BMPR1A: variants seen among roughly 807,000 people sequenced by gnomAD.
The protein encoded by BMPR1A is bone morphogenetic protein receptor type 1A, also known as bone morphogenetic protein receptor type-1A.
BMPR1A carries 7 observed loss-of-function variants against 66.0 expected under a neutral mutation model. The observed-to-expected ratio is 0.11, with a 90% confidence interval of 0.06 to 0.20. BMPR1A has a LOEUF of 0.20. Ranked by LOEUF, BMPR1A falls within the 10% of genes least tolerant of loss-of-function variation. The probability of loss-of-function intolerance (pLI) is 1.00; values close to 1 mark genes in which losing one functional copy is unlikely to be tolerated. For missense variants in BMPR1A, 408 were observed against 669.1 expected (o/e 0.61, Z 4.31); for synonymous variants, 200 against 229.7 (o/e 0.87, Z 1.17).
At position 86,923,760 on chromosome 10, in the gene BMPR1A, T is replaced by A; in HGVS notation, c.*41T>A. ...AGGAGAAACTCTAGACTGCAAGAACTGTTTTTACCCATGGCATGGGTGGAA... is the reference window on the plus strand; with the variant it reads ...AGGAGAAACTCTAGACTGCAAGAACAGTTTTTACCCATGGCATGGGTGGAA... On this transcript the variant is annotated 3_prime_UTR_variant, in exon 13 of 13. Coordinates refer to ENST00000372037, the MANE Select transcript of BMPR1A (RefSeq NM_004329.3). The A allele has an allele frequency of 6.2e-7, 1 of 1,609,798 alleles. No individual in the cohort carries two copies. Among genetic ancestry groups the A allele is most frequent in the Non-Finnish European group, 8.5e-7 (1 of 1,177,902 alleles).
intron 3 of BMPR1A, among the ~76,000 whole-genome samples, chr10:86,888,148 C>CTTT (rs34024160): frequency 2.2e-5 from 3 of 138,306 alleles, no homozygotes; most frequent in Non-Finnish European, 3.2e-5. Flanking sequence ...AAACTTCCAG[C>CTTT]TTTTTTTTTT....
At chr10:86,884,612 A>C (rs1207679349) in intron 3 of BMPR1A, among the ~76,000 whole-genome samples, 2 of 150,144 alleles carry the variant, frequency 1.3e-5, no homozygotes, top group East Asian at 4.0e-4. Context: ...CAAGAGTTTC[A>C]CCATGTTGGC....
At chr10:86,759,005 A>C (rs1840983270) in intron 1 of BMPR1A, among the ~76,000 whole-genome samples, 1 of 152,216 alleles carries the variant, frequency 6.6e-6, no homozygotes, top group Non-Finnish European at 1.5e-5. Flanking sequence ...ATACTTATTG[A>C]AAAATAAAGT....
chr10:86,842,734 G>A (rs1842441604), intron 2 of BMPR1A, among the ~76,000 whole-genome samples: 1 of 152,164 alleles, frequency 6.6e-6, no homozygotes, highest in Non-Finnish European at 1.5e-5. Flanking sequence ...AGTTCCATGT[G>A]GCTAGAGAGG....
chr10:86,847,413 T>G (rs1030096556), intron 2 of BMPR1A, among the ~76,000 whole-genome samples: 2 of 152,176 alleles, frequency 1.3e-5, no homozygotes, highest in Admixed American at 1.3e-4. Flanking sequence ...TTATATCTTA[T>G]GTATTCTTTC....
chr10:86,773,854 C>CTTT lies in BMPR1A; in HGVS notation c.-268+16948_-268+16950dup, dbSNP rs34632382. Among the ~76,000 whole-genome samples the CTTT allele has an allele frequency of 8.4e-5, 12 of 142,120 alleles. 1 individual carries two copies. Among genetic ancestry groups the CTTT allele is most frequent in the Non-Finnish European group, 1.1e-4 (7 of 65,122 alleles). The allele number at this position is 142,120 out of a possible 152,430, so 93.2% of individuals were successfully genotyped here. On this transcript the variant is annotated intron_variant, in intron 1 of 12. Transcript: ENST00000372037. ...TTAGCTGTACAGCATGTATTTCATT[C>CTTT]TTTTTTTTTTTTTTTGAGACAGAGT...
chr10:86,931,256 G>GAAAAAA (rs1175936602), downstream of BMPR1A: 3 of 64,862 alleles, frequency 4.6e-5, no homozygotes, highest in East Asian at 8.9e-4. Context: ...AAAAAAAAAA[G>GAAAAAA]AAAAAAAAAT....
intron 2 of BMPR1A, among the ~76,000 whole-genome samples, chr10:86,842,917 C>T (rs577998983): frequency 6.6e-6 from 1 of 152,300 alleles, no homozygotes; most frequent in South Asian, 2.1e-4. Context: ...TTATTTCCCA[C>T]TGGGTCCCTC....
intron 5 of BMPR1A, among the ~76,000 whole-genome samples, chr10:86,895,366 C>T (rs1004676813): frequency 4.0e-5 from 6 of 151,890 alleles, no homozygotes; most frequent in African/African-American, 9.7e-5. Context: ...GGCGACACCC[C>T]GTCTCTACTG....
chr10:86,877,266 G>C (rs1410785980), intron 3 of BMPR1A, among the ~76,000 whole-genome samples: 1 of 149,102 alleles, frequency 6.7e-6, no homozygotes, highest in African/African-American at 2.5e-5. Context: ...GGAGTACAGT[G>C]GCGCCATCTC....
chr10:86,828,125 CT>C (rs1375561202), intron 1 of BMPR1A, among the ~76,000 whole-genome samples: 2 of 152,216 alleles, frequency 1.3e-5, no homozygotes, highest in Non-Finnish European at 2.9e-5. Context: ...GCACTCTACC[CT>C]GGGTGACAGA....
At chr10:86,811,688 G>A (rs891343228) in intron 1 of BMPR1A, among the ~76,000 whole-genome samples, 2 of 152,206 alleles carry the variant, frequency 1.3e-5, no homozygotes, top group African/African-American at 4.8e-5. Flanking sequence ...GACACACAAT[G>A]TGTGGTTGTG....
At chr10:86,793,108 C>T (rs1387191436) in intron 1 of BMPR1A, among the ~76,000 whole-genome samples, 1 of 145,114 alleles carries the variant, frequency 6.9e-6, no homozygotes, top group Non-Finnish European at 1.5e-5. Context: ...CCCCCCACCC[C>T]CCGCCACCCC....
intron 1 of BMPR1A, among the ~76,000 whole-genome samples, chr10:86,811,341 A>G (rs2132939913): frequency 6.6e-6 from 1 of 152,254 alleles, no homozygotes; most frequent in African/African-American, 2.4e-5. Flanking sequence ...TCCCGGCCAG[A>G]AGCACAATTT....
At chr10:86,762,562 G>C (rs1160395452) in intron 1 of BMPR1A, among the ~76,000 whole-genome samples, 1 of 152,106 alleles carries the variant, frequency 6.6e-6, no homozygotes, top group Non-Finnish European at 1.5e-5. Context: ...GTTTTGCCTC[G>C]TGGGCCAGGC....
rs1194307830 is a variant in BMPR1A, at chr10:86,906,675, C to T, written c.531-5565C>T. On this transcript the variant is annotated intron_variant, in intron 7 of 12. Coordinates refer to ENST00000372037, the MANE Select transcript of BMPR1A (RefSeq NM_004329.3). Reference sequence around the variant, plus strand: ...GGAGGCGGAGCTTGCAGTGAGCCGACATCGCGCCACTGCACTCCAGCCTGG... The same window carrying T: ...GGAGGCGGAGCTTGCAGTGAGCCGATATCGCGCCACTGCACTCCAGCCTGG... Among the ~76,000 whole-genome samples the T allele has an allele frequency of 2.3e-4, 8 of 35,512 alleles. 1 individual carries two copies. The highest frequency in any genetic ancestry group is 8.3e-3 in the East Asian group (2 of 242). The allele number at this position is 35,512 out of a possible 152,430, so 23.3% of individuals were successfully genotyped here.
intron 1 of BMPR1A, among the ~76,000 whole-genome samples, chr10:86,774,418 G>A (rs895675088): frequency 3.3e-5 from 5 of 151,564 alleles, no homozygotes; most frequent in Non-Finnish European, 7.4e-5. Context: ...GAATGGTAAA[G>A]CATGGTAACC....
chr10:86,786,335 A>G (rs2132740395), intron 1 of BMPR1A, among the ~76,000 whole-genome samples: 1 of 152,224 alleles, frequency 6.6e-6, no homozygotes, highest in Non-Finnish European at 1.5e-5. Context: ...CCCTAAAAGA[A>G]GTATCTGCAC....
intron 1 of BMPR1A, among the ~76,000 whole-genome samples, chr10:86,811,113 A>C (rs180781110): frequency 3.3e-5 from 5 of 152,266 alleles, no homozygotes; most frequent in African/African-American, 4.8e-5. Flanking sequence ...ATCTTGGTTC[A>C]CGGCAACATC....
Sources: allele counts gnomAD v4.1 joint callset (sites outside exome capture counted in the v4.1 genomes callset), GRCh38; gene constraint gnomAD v4.1.1; transcripts MANE v1.5; gene names NCBI Gene and HGNC (gene_info 2026-07-23, HGNC 2026-07-21).